UCK1: variants seen among roughly 807,000 people sequenced by gnomAD.
UCK1 encodes the protein uridine-cytidine kinase 1, also known as cytidine monophosphokinase 1.
In UCK1, 20 loss-of-function variants were observed where a neutral mutation model predicts 34.0. The observed-to-expected ratio is 0.59, with a 90% CI of 0.41 to 0.86. The LOEUF is 0.86. Ranked by LOEUF, UCK1 falls within the 40% of genes least tolerant of loss-of-function variation. The pLI, the probability that UCK1 is intolerant of heterozygous loss-of-function variation, is 0.00. For missense variants in UCK1, 343 were observed against 383.6 expected, an observed-to-expected ratio of 0.89 and a Z score of 0.88; for synonymous variants, 168 against 155.9, an observed-to-expected ratio of 1.08 and a Z score of -0.58.
Position 131,529,806 on chromosome 9 carries a change from C to T in UCK1, c.269-222G>A, listed in dbSNP as rs555104238. ...TGTCCTTGCTGTTCTCGGGCTGTGC[C>T]ACTGCCCAAGCTCTGTGCCCCTGAG... On this transcript the variant is annotated intron_variant, in intron 2 of 6. Coordinates refer to ENST00000372215, the MANE Select transcript of UCK1 (RefSeq NM_031432.5). Among the ~76,000 whole-genome samples, 3 of 152,320 alleles carry T rather than the reference C, an allele frequency of 2.0e-5. No individual in the cohort carries two copies. In the South Asian group the frequency reaches 6.2e-4, roughly 32 times the overall value.
rs533189536 is a variant in UCK1, at chr9:131,524,278, G to A, written c.*762C>T. The stretch of plus-strand genomic sequence containing the variant: ...TGACCCCAGGCAGGACTGCGTGGAC[G>A]CTGTTCTCCAGCCGGGACAGACCTG... On this transcript the variant is annotated 3_prime_UTR_variant, in exon 7 of 7. Transcript: ENST00000372215. 9.8e-5 allele frequency: 15 copies of A among 152,392 alleles called. No individual in the cohort carries two copies. The highest frequency in any genetic ancestry group is 3.4e-4 in the African/African-American group (14 of 41,472). The allele number at this position is 152,392 out of a possible 1,614,324, so 9.4% of individuals were successfully genotyped here.
intron 5 of UCK1, among the ~76,000 whole-genome samples, chr9:131,526,669 G>A (rs927646625): frequency 2.6e-5 from 4 of 152,216 alleles, no homozygotes; most frequent in African/African-American, 9.6e-5. Flanking sequence ...GGCAGGGTCT[G>A]GGCCGAAGGA....
rs772089212 is a variant in UCK1, at chr9:131,525,138, G to A, written c.736C>T (p.Arg246Trp). The change falls in exon 7 of 7, where the codon CGG (arginine) becomes TGG (tryptophan). Residue 246 changes from arginine to tryptophan, a missense_variant. Arg to Trp is a moderately radical substitution (Grantham distance 101). Coordinates refer to ENST00000372215, the MANE Select transcript of UCK1 (RefSeq NM_031432.5). ...CKWHRGGSNG[R>W]SYKRTFSEPG... ...TCAGAAAAGGTCCGCTTGTAGCTCC[G>A]CCCATTGGACCCTCCTCGGTGCCAT... The A allele has an allele frequency of 9.9e-6, 16 of 1,613,964 alleles. No homozygotes were observed. The highest frequency in any genetic ancestry group is 4.5e-5 in the East Asian group (2 of 44,892).
In UCK1 at chr9:131,525,044, T is replaced by C. The variant is rs773351329; in HGVS notation, c.830A>G (p.His277Arg). 2 of 1,608,910 alleles carry C rather than the reference T, an allele frequency of 1.2e-6. No individual in the cohort carries two copies. Residue 277 changes from histidine (H) to arginine (R), a missense_variant, in exon 7 of 7, where the codon CAC (histidine) becomes CGC (arginine). Coordinates refer to ENST00000372215, the MANE Select transcript of UCK1 (RefSeq NM_031432.5). ...RSHLESSSRP[H>R] ...GCCCTGAGGCTCGGCAGCCCCTCAG[T>C]GGGGTCTGCTGCTGGACTCCAAATG...
rs1005523520 is a variant in UCK1, at chr9:131,531,205, C to T, written c.-31G>A. ...CCTCCGCTCCCGCGCATCGGGTCCC[C>T]GCGCCCGCCCCTTCCCCAGGCCCGG... On this transcript the variant is annotated 5_prime_UTR_variant, in exon 1 of 7. Transcript: ENST00000372215. The T allele has an allele frequency of 1.8e-5, 25 of 1,360,356 alleles. No individual in the cohort carries two copies. Among genetic ancestry groups the T allele is most frequent in the Non-Finnish European group, 2.3e-5 (24 of 1,058,196 alleles). 84.3% of individuals were successfully genotyped at this position (1,360,356 alleles called of 1,614,324 possible).
At chr9:131,526,399 C>T (rs1950605359) in intron 5 of UCK1, 3 of 1,291,134 alleles carry the variant, frequency 2.3e-6, no homozygotes, top group Admixed American at 2.3e-5. Flanking sequence ...AGGACAGCCG[C>T]CGCCGTGCAT....
chr9:131,528,762 G>C, intron 5 of UCK1, 182 bp downstream of exon 5: 3 of 700,474 alleles, frequency 4.3e-6, no homozygotes, highest in East Asian at 5.5e-5. Flanking sequence ...GGGAGGAGCA[G>C]GCACAGAGAA....
chr9:131,528,992 C>T lies in UCK1; in HGVS notation c.555G>A (p.Thr185=), dbSNP rs766544838. The change falls in exon 5 of 7, where the codon ACG becomes ACA. Residue 185 remains threonine, a synonymous_variant. Coordinates refer to ENST00000372215, the MANE Select transcript of UCK1 (RefSeq NM_031432.5). ...CCGGCTTCACGAAGGTGGTGTACTG[C>T]GTCAGAATCTGCTCCAGGTCCCTCC... ...RRGRDLEQIL[T]QYTTFVKPAF... is the part of the protein sequence containing the mutation. The T allele has an allele frequency of 1.9e-5, 30 of 1,613,998 alleles. No individual in the cohort carries two copies. The highest frequency in any genetic ancestry group is 1.6e-4 in the Middle Eastern group (1 of 6,084).
intron 2 of UCK1, 119 bp downstream of exon 2, chr9:131,530,367 G>A: frequency 8.1e-7 from 1 of 1,230,940 alleles, no homozygotes; most frequent in South Asian, 1.3e-5. Context: ...GCTGCGTGGC[G>A]AGTTGGGGGA....
At position 131,531,100 on chromosome 9, in the gene UCK1, C is replaced by G; in HGVS notation, c.75G>C (p.Leu25=). 1 of 1,449,210 alleles carries G rather than the reference C, an allele frequency of 6.9e-7. No homozygotes were observed. Among genetic ancestry groups the G allele is most frequent in the Non-Finnish European group, 9.1e-7 (1 of 1,104,366 alleles). 89.8% of individuals were successfully genotyped at this position (1,449,210 alleles called of 1,614,324 possible). A position where few individuals can be genotyped will look rare whatever the true frequency, so the allele number is the denominator to read the frequency against. Residue 25 remains leucine (L), a synonymous_variant, in exon 1 of 7, where the codon CTG becomes CTC. Coordinates refer to ENST00000372215, the MANE Select transcript of UCK1 (RefSeq NM_031432.5). ...EADRPHQRPF[L]IGVSGGTASG... The stretch of plus-strand genomic sequence containing the variant: ...TGGCAGTGCCGCCGCTCACCCCTAT[C>G]AGGAAGGGCCGCTGGTGCGGACGGT...
chr9:131,530,708 G>A (rs760705227), intron 1 of UCK1, 63 bp from the exon 2 acceptor site: 2 of 1,613,916 alleles, frequency 1.2e-6, no homozygotes, highest in South Asian at 1.1e-5. Context: ...CACGGGGCCG[G>A]CTTCTGGAGA....
At chr9:131,527,029 G>A (rs1950632839) in intron 5 of UCK1, among the ~76,000 whole-genome samples, 1 of 152,144 alleles carries the variant, frequency 6.6e-6, no homozygotes, top group Admixed American at 6.5e-5. Context: ...GCTCTGGGTG[G>A]GGCTGGGGCC....
Position 131,529,495 on chromosome 9 carries a change from G to A in UCK1, c.358C>T (p.His120Tyr). The stretch of plus-strand genomic sequence containing the variant: ...CTAGAACCACCTGCTTACCTTGAGT[G>A]TGTCACAAAATCATAGGTCGGCACC... Reference protein sequence around the residue: ...VEVPTYDFVTHSRLPETTVVY... With the variant: ...VEVPTYDFVTYSRLPETTVVY... Residue 120 changes from histidine to tyrosine, a missense_variant, in exon 3 of 7, where the codon CAC (histidine) becomes TAC (tyrosine). Coordinates refer to ENST00000372215, the MANE Select transcript of UCK1 (RefSeq NM_031432.5). 1 of 1,614,168 alleles carries A rather than the reference G, an allele frequency of 6.2e-7. No individual in the cohort carries two copies. The highest frequency in any genetic ancestry group is 1.3e-5 in the African/African-American group (1 of 75,050).
chr9:131,526,268 G>A, intron 5 of UCK1: 1 of 692,010 alleles, frequency 1.4e-6, no homozygotes, highest in Middle Eastern at 3.1e-4. Flanking sequence ...TCCATTACAG[G>A]AGACAGCTGG....
At chr9:131,526,723 C>A (rs1396730251) in intron 5 of UCK1, among the ~76,000 whole-genome samples, 1 of 152,180 alleles carries the variant, frequency 6.6e-6, no homozygotes. Flanking sequence ...GGATTTGGGT[C>A]AAGAAGGCGG....
intron 5 of UCK1, chr9:131,526,249 T>C (rs1950599835): frequency 1.5e-6 from 1 of 668,906 alleles, no homozygotes; most frequent in Middle Eastern, 3.4e-4. Context: ...CCCCTTCCAG[T>C]GTTCCCACTC....
intron 3 of UCK1, 30 bp from the exon 4 acceptor site, chr9:131,529,300 C>A (rs201370049): frequency 4.0e-5 from 64 of 1,613,222 alleles, no homozygotes; most frequent in Middle Eastern, 1.7e-4. Flanking sequence ...AGGGGCTCTG[C>A]TGCAGACACA....
At chr9:131,525,651 T>C (rs1460717571) in intron 6 of UCK1, among the ~76,000 whole-genome samples, 2 of 152,168 alleles carry the variant, frequency 1.3e-5, no homozygotes, top group African/African-American at 4.8e-5. Context: ...AATAATTTTA[T>C]TTTTTGTAGA....
intron 2 of UCK1, among the ~76,000 whole-genome samples, chr9:131,530,037 C>T (rs1004612024): frequency 5.9e-5 from 9 of 152,212 alleles, no homozygotes; most frequent in African/African-American, 1.2e-4. Flanking sequence ...CGCATCTGCC[C>T]GTTTACCTGG....
Sources: allele counts gnomAD v4.1 joint callset (sites outside exome capture counted in the v4.1 genomes callset), GRCh38; gene constraint gnomAD v4.1.1; transcripts MANE v1.5; gene names NCBI Gene and HGNC (gene_info 2026-07-23, HGNC 2026-07-21).